FRMPD4: variants seen among roughly 807,000 people sequenced by gnomAD.
FRMPD4 encodes the protein FERM and PDZ domain-containing protein 4.
A neutral mutation model predicts 94.1 loss-of-function variants in FRMPD4; 22 were observed. The observed-to-expected ratio is 0.23, with a 90% CI of 0.17 to 0.33. The LOEUF (loss-of-function observed/expected upper bound fraction) is 0.33, where lower values mean the gene tolerates loss of function less well. Among genes scored for constraint, FRMPD4 ranks in the 10% least tolerant of loss-of-function variants. The pLI, the probability that FRMPD4 is intolerant of heterozygous loss-of-function variation, is 1.00. For missense variants in FRMPD4, 1,111 were observed against 1,339.9 expected (o/e 0.83, Z 2.67); for synonymous variants, 631 against 548.6 (o/e 1.15, Z -2.10).
At chrX:12,678,795 A>G (rs2059930449) in intron 5 of FRMPD4, among the ~76,000 whole-genome samples, 1 of 112,302 alleles carries the variant, frequency 8.9e-6, no homozygotes, top group African/African-American at 3.2e-5. Flanking sequence ...ATTGCACTCC[A>G]CCCTGGGCAA....
In FRMPD4 at chrX:12,065,494, A is replaced by G. The variant is rs774561761; in HGVS notation, c.95+187476A>G. 8.9e-5 allele frequency among the ~76,000 whole-genome samples: 10 copies of G among 111,923 alleles called. No individual in the cohort carries two copies. The South Asian group carries it at 1.9e-3, about 21-fold the overall frequency. The stretch of plus-strand genomic sequence containing the variant: ...GCGTTCGGGCTGGCTGACTAGATGG[A>G]TCAGGCCTGGCTGCCTGATGGCTAT... On this transcript the variant is annotated intron_variant, in intron 3 of 18. Transcript: ENST00000640291.
chrX:12,368,515 G>A (rs921374809), intron 1 of FRMPD4, among the ~76,000 whole-genome samples: 2 of 109,881 alleles, frequency 1.8e-5, no homozygotes, highest in African/African-American at 6.7e-5. Flanking sequence ...TACATCTTCT[G>A]CTCTGTGCTA....
intron 3 of FRMPD4, among the ~76,000 whole-genome samples, chrX:12,110,312 C>T (rs1455339698): frequency 8.9e-6 from 1 of 112,232 alleles, no homozygotes; most frequent in Non-Finnish European, 1.9e-5. Context: ...GAACCAAAGA[C>T]AAAAACCACA....
At chrX:11,979,844 G>A (rs945052193) in intron 3 of FRMPD4, among the ~76,000 whole-genome samples, 6 of 111,352 alleles carry the variant, frequency 5.4e-5, no homozygotes, top group Non-Finnish European at 1.1e-4. Context: ...GGTGACTTCT[G>A]ATAAATAGAA....
chrX:12,258,676 T>G (rs929804309), intron 1 of FRMPD4, among the ~76,000 whole-genome samples: 5 of 111,644 alleles, frequency 4.5e-5, no homozygotes, highest in Non-Finnish European at 9.4e-5. Context: ...TTATTATTAT[T>G]ACTTTTTATC....
intron 3 of FRMPD4, among the ~76,000 whole-genome samples, chrX:11,967,647 G>A (rs1243480644): frequency 9.0e-6 from 1 of 111,013 alleles, no homozygotes; most frequent in African/African-American, 3.3e-5. Context: ...CGTGAATGGA[G>A]GGAAAGCTCA....
chrX:12,613,098 G>A (rs1414288495), intron 3 of FRMPD4, among the ~76,000 whole-genome samples: 4 of 111,924 alleles, frequency 3.6e-5, no homozygotes, highest in African/African-American at 9.7e-5. Flanking sequence ...GAAAGATAGC[G>A]TTTCAGCTGC....
At chrX:12,649,234 A>G (rs916772310) in intron 4 of FRMPD4, among the ~76,000 whole-genome samples, 2 of 112,078 alleles carry the variant, frequency 1.8e-5, no homozygotes, top group African/African-American at 6.5e-5. Context: ...GCGTGGGGAC[A>G]GAGAGAGGAG....
intron 1 of FRMPD4, among the ~76,000 whole-genome samples, chrX:12,300,300 C>T (rs1482808225): frequency 2.7e-5 from 3 of 111,795 alleles, no homozygotes; most frequent in Admixed American, 9.5e-5. Context: ...GTGTCCCAGT[C>T]CTTACTGATC....
intron 3 of FRMPD4, among the ~76,000 whole-genome samples, chrX:12,084,589 G>A (rs919647232): frequency 8.9e-6 from 1 of 112,055 alleles, no homozygotes; most frequent in Non-Finnish European, 1.9e-5. Flanking sequence ...TCTTTGGTGG[G>A]TCATTATTTA....
upstream of FRMPD4, among the ~76,000 whole-genome samples, chrX:12,134,649 C>T (rs1363187334): frequency 8.9e-6 from 1 of 111,964 alleles, no homozygotes. Flanking sequence ...CCTCACACTT[C>T]CCCCTGAGAA....
intron 1 of FRMPD4, among the ~76,000 whole-genome samples, chrX:12,440,239 G>A (rs1390091860): frequency 3.6e-5 from 4 of 112,085 alleles, no homozygotes; most frequent in African/African-American, 1.3e-4. Context: ...TTTTGCATCT[G>A]AAATTCAAGT....
chrX:12,171,878 C>G (rs1239553182), intron 1 of FRMPD4, among the ~76,000 whole-genome samples: 2 of 111,501 alleles, frequency 1.8e-5, no homozygotes, highest in African/African-American at 6.5e-5. Context: ...CAGCCATTCT[C>G]AGGTATTAAG....
At chrX:12,476,543 G>A (rs2057601313) in intron 1 of FRMPD4, among the ~76,000 whole-genome samples, 3 of 110,711 alleles carry the variant, frequency 2.7e-5, no homozygotes, top group Admixed American at 9.6e-5. Flanking sequence ...CAGTATGGGA[G>A]AACATTTTTG....
chrX:12,101,118 C>G (rs2055252027), intron 3 of FRMPD4, among the ~76,000 whole-genome samples: 1 of 111,847 alleles, frequency 8.9e-6, no homozygotes, highest in Admixed American at 9.5e-5. Flanking sequence ...GTATGAGTGT[C>G]TGGCATCTAG....
chrX:12,324,169 G>A (rs1411426382), intron 1 of FRMPD4, among the ~76,000 whole-genome samples: 1 of 112,199 alleles, frequency 8.9e-6, no homozygotes, highest in Non-Finnish European at 1.9e-5. Flanking sequence ...AACCTAGGCT[G>A]CAACTCCAGT....
At chrX:12,452,462 T>A (rs1419379349) in intron 1 of FRMPD4, among the ~76,000 whole-genome samples, 3 of 111,511 alleles carry the variant, frequency 2.7e-5, no homozygotes, top group African/African-American at 9.8e-5. Flanking sequence ...TTTGCCATAA[T>A]CAGCAGAAAA....
intron 1 of FRMPD4, among the ~76,000 whole-genome samples, chrX:12,396,704 T>C (rs1313022921): frequency 8.9e-6 from 1 of 112,026 alleles, no homozygotes; most frequent in Non-Finnish European, 1.9e-5. Flanking sequence ...ACTCATAATA[T>C]CTACATGTTT....
At chrX:12,066,871 G>GTTTTTTTTTTT (rs201251837) in intron 3 of FRMPD4, among the ~76,000 whole-genome samples, 5 of 100,073 alleles carry the variant, frequency 5.0e-5, no homozygotes, top group African/African-American at 7.2e-5. Context: ...TTTTGTTTTT[G>GTTTTTTTTTTT]TTTTTGTTTT....
Sources: allele counts gnomAD v4.1 joint callset (sites outside exome capture counted in the v4.1 genomes callset), GRCh38; gene constraint gnomAD v4.1.1; transcripts MANE v1.5; gene names NCBI Gene and HGNC (gene_info 2026-07-23, HGNC 2026-07-21).